The following TSPAN7 variants were observed in gnomAD, a reference collection of about 807,000 sequenced individuals.
The protein encoded by TSPAN7 is tetraspanin-7.
A neutral mutation model predicts 17.6 loss-of-function variants in TSPAN7; 1 was observed. The ratio of observed to expected loss-of-function variants is 0.06; its 90% CI spans 0.02 to 0.27. TSPAN7 has a LOEUF of 0.27. TSPAN7 is among the 10% of genes least tolerant of loss of function. TSPAN7 has a pLI of 1.00. For missense variants in TSPAN7, 112 were observed against 201.7 expected (o/e 0.56, Z 2.69); for synonymous variants, 78 against 79.0 (o/e 0.99, Z 0.07).
intron 1 of TSPAN7, among the ~76,000 whole-genome samples, chrX:38,656,894 A>G (rs1259419721): frequency 8.9e-6 from 1 of 112,341 alleles, no homozygotes; most frequent in Non-Finnish European, 1.9e-5. Context: ...GCTTATAAAG[A>G]AAAAATAATG....
At chrX:38,619,475 G>A (rs767805468) in intron 1 of TSPAN7, among the ~76,000 whole-genome samples, 158 of 111,861 alleles carry the variant, frequency 1.4e-3, no homozygotes, top group Middle Eastern at 0.014. Flanking sequence ...AGAGCTACAG[G>A]AAAGGCCTTT....
chrX:38,571,065 T>C (rs2069167118), intron 1 of TSPAN7: 1 of 112,161 alleles, frequency 8.9e-6, no homozygotes, highest in Non-Finnish European at 1.9e-5. Flanking sequence ...GTCTGGGCTT[T>C]TAGTGTAAAG....
intron 3 of TSPAN7, among the ~76,000 whole-genome samples, chrX:38,671,823 C>G (rs183778618): frequency 1.5e-4 from 17 of 110,975 alleles, no homozygotes; most frequent in African/African-American, 5.3e-4. Context: ...GCAGGAGGAT[C>G]TCTTGAGGCC....
intron 6 of TSPAN7, among the ~76,000 whole-genome samples, chrX:38,684,821 T>C (rs1228556029): frequency 5.4e-5 from 6 of 111,030 alleles, no homozygotes; most frequent in African/African-American, 2.0e-4. Context: ...TCGCTTGAAG[T>C]TGGGCAGCTA....
At chrX:38,628,171 A>C (rs2043285380) in intron 1 of TSPAN7, among the ~76,000 whole-genome samples, 1 of 112,356 alleles carries the variant, frequency 8.9e-6, no homozygotes, top group African/African-American at 3.2e-5. Flanking sequence ...ACCCCCCTCC[A>C]CAATGCCCGC....
chrX:38,617,866 A>G (rs1053524090), intron 1 of TSPAN7, among the ~76,000 whole-genome samples: 1 of 112,320 alleles, frequency 8.9e-6, no homozygotes, highest in African/African-American at 3.2e-5. Flanking sequence ...TGGAAGGGAC[A>G]GGGAAAGATT....
At chrX:38,564,613 A>G (rs926105183) in intron 1 of TSPAN7, among the ~76,000 whole-genome samples, 7 of 112,006 alleles carry the variant, frequency 6.2e-5, no homozygotes, top group Non-Finnish European at 1.3e-4. Flanking sequence ...GAGGATTCCA[A>G]TTTCTCCACA....
chrX:38,599,722 A>G (rs1411138278), intron 1 of TSPAN7, among the ~76,000 whole-genome samples: 1 of 111,603 alleles, frequency 9.0e-6, no homozygotes, highest in East Asian at 2.8e-4. Context: ...AGCAAAGGGC[A>G]TTATTCAAAG....
chrX:38,619,299 C>T (rs994034621), intron 1 of TSPAN7, among the ~76,000 whole-genome samples: 21 of 111,175 alleles, frequency 1.9e-4, no homozygotes, highest in African/African-American at 9.8e-5. Flanking sequence ...TTGTTGCATT[C>T]GCTCTGCTTT....
intron 1 of TSPAN7, 35 bp from the exon 2 acceptor site, chrX:38,666,086 G>C: frequency 8.3e-7 from 1 of 1,200,949 alleles, no homozygotes; most frequent in Non-Finnish European, 1.1e-6. Flanking sequence ...CACCTCTCTT[G>C]GCAATAGCTT....
chrX:38,646,046 T>C (rs188216285), intron 1 of TSPAN7, among the ~76,000 whole-genome samples: 1 of 111,499 alleles, frequency 9.0e-6, no homozygotes, highest in African/African-American at 3.3e-5. Flanking sequence ...TCTTGTCAAT[T>C]ACCTGGCAGT....
chrX:38,663,284 G>A (rs1185065797), intron 1 of TSPAN7, among the ~76,000 whole-genome samples: 1 of 112,053 alleles, frequency 8.9e-6, no homozygotes, highest in Non-Finnish European at 1.9e-5. Flanking sequence ...ATTATTCTAA[G>A]TGAAGTAACT....
chrX:38,649,168 G>A (rs1022541417), intron 1 of TSPAN7, among the ~76,000 whole-genome samples: 2 of 111,082 alleles, frequency 1.8e-5, no homozygotes, highest in Admixed American at 9.6e-5. Flanking sequence ...ACACCTCTTC[G>A]TATGCTGTAT....
chrX:38,652,861 C>T (rs991111030), intron 1 of TSPAN7, among the ~76,000 whole-genome samples: 3 of 112,158 alleles, frequency 2.7e-5, no homozygotes, highest in African/African-American at 9.7e-5. Flanking sequence ...TACTGGTTTC[C>T]TCACAGCTCA....
intron 1 of TSPAN7, among the ~76,000 whole-genome samples, chrX:38,639,612 CTT>C (rs752362523): frequency 2.4e-4 from 25 of 106,025 alleles, no homozygotes; most frequent in Non-Finnish European, 3.7e-4. Flanking sequence ...TTGTCTCTCT[CTT>C]GGCACATCAC....
intron 1 of TSPAN7, among the ~76,000 whole-genome samples, chrX:38,641,313 G>A (rs1403423446): frequency 8.9e-6 from 1 of 112,388 alleles, no homozygotes; most frequent in East Asian, 2.8e-4. Context: ...AGAAAACTGT[G>A]CGATACTAGT....
At chrX:38,621,399 T>C (rs1054990708) in intron 1 of TSPAN7, among the ~76,000 whole-genome samples, 6 of 112,325 alleles carry the variant, frequency 5.3e-5, no homozygotes, top group Non-Finnish European at 1.1e-4. Context: ...CTGAATAAGA[T>C]GTTGTCTGCC....
chrX:38,586,676 T>A (rs761665924), intron 1 of TSPAN7, among the ~76,000 whole-genome samples: 2 of 112,369 alleles, frequency 1.8e-5, no homozygotes, highest in Admixed American at 9.4e-5. Context: ...CTTTAATTCT[T>A]CTGTGTTCTA....
chrX:38,570,699 G>A (rs774030749), intron 1 of TSPAN7: 4 of 111,722 alleles, frequency 3.6e-5, no homozygotes, highest in Non-Finnish European at 5.7e-5. Flanking sequence ...TTCTCCTTTA[G>A]TTCCATTACA....
Sources: allele counts gnomAD v4.1 joint callset (sites outside exome capture counted in the v4.1 genomes callset), GRCh38; gene constraint gnomAD v4.1.1; transcripts MANE v1.5; gene names NCBI Gene and HGNC (gene_info 2026-07-23, HGNC 2026-07-21).